Variants in MPPED2 observed in about 807,000 individuals in gnomAD.
The protein encoded by MPPED2 is metallophosphoesterase MPPED2.
In MPPED2, 5 loss-of-function variants were observed where a neutral mutation model predicts 33.0. The ratio of observed to expected loss-of-function variants is 0.15; its 90% CI spans 0.08 to 0.32. The LOEUF is 0.32. MPPED2 is among the 10% of genes least tolerant of loss of function. The pLI is 1.00. For synonymous variants in MPPED2, 136 were observed against 141.9 expected (o/e 0.96, Z 0.29); for missense variants, 275 against 372.1 (o/e 0.74, Z 2.15).
intron 4 of MPPED2, among the ~76,000 whole-genome samples, chr11:30,448,266 T>C (rs1384679863): frequency 6.6e-6 from 1 of 152,196 alleles, no homozygotes; most frequent in African/African-American, 2.4e-5. Context: ...AACATCCCTG[T>C]TGTGGGGAGG....
At chr11:30,497,385 A>C (rs1952318411) in intron 3 of MPPED2, among the ~76,000 whole-genome samples, 1 of 152,090 alleles carries the variant, frequency 6.6e-6, no homozygotes, top group East Asian at 1.9e-4. Flanking sequence ...GCCCCAATTC[A>C]CCTGTGCTCC....
chr11:30,412,353 A>C (rs1219852926), intron 6 of MPPED2, among the ~76,000 whole-genome samples: 3 of 151,758 alleles, frequency 2.0e-5, no homozygotes, highest in Non-Finnish European at 4.4e-5. Context: ...GATAATTTTC[A>C]ATATGATAAA....
chr11:30,501,391 G>T (rs1001901323), intron 3 of MPPED2, among the ~76,000 whole-genome samples: 4 of 152,164 alleles, frequency 2.6e-5, no homozygotes, highest in African/African-American at 9.7e-5. Flanking sequence ...ATAAGCATTT[G>T]GATCTAAAAG....
At chr11:30,531,209 C>A (rs1954504959) in intron 3 of MPPED2, among the ~76,000 whole-genome samples, 3 of 152,188 alleles carry the variant, frequency 2.0e-5, no homozygotes, top group African/African-American at 7.2e-5. Flanking sequence ...TTCATCTGTA[C>A]CTCTCTCCAT....
chr11:30,565,058 A>G (rs539088023), intron 2 of MPPED2, among the ~76,000 whole-genome samples: 2 of 152,208 alleles, frequency 1.3e-5, no homozygotes, highest in Admixed American at 6.5e-5. Context: ...AGCACCAAAA[A>G]GAAAAAAATG....
chr11:30,527,137 A>G (rs1954239555), intron 3 of MPPED2, among the ~76,000 whole-genome samples: 1 of 151,664 alleles, frequency 6.6e-6, no homozygotes, highest in Admixed American at 6.6e-5. Context: ...TCACCGTGTT[A>G]GCCAAGATGG....
At chr11:30,504,745 T>C (rs1952741076) in intron 3 of MPPED2, 1 of 1,282,854 alleles carries the variant, frequency 7.8e-7, no homozygotes, top group African/African-American at 1.5e-5. Context: ...CACTTGCTGA[T>C]GGAGCCACAC....
At position 30,582,955 on chromosome 11, in the gene MPPED2, T is replaced by A. The variant is rs565272652; in HGVS notation, c.-121-2461A>T. On this transcript the variant is annotated intron_variant, in intron 1 of 6. Coordinates refer to ENST00000358117, the MANE Select transcript of MPPED2 (RefSeq NM_001584.3). ...CACCTGCAGCGTCTATCTTCTTTAATCTGGAGTCCTTTGAAGAAAATGTCA... is the reference window on the plus strand; with the variant it reads ...CACCTGCAGCGTCTATCTTCTTTAAACTGGAGTCCTTTGAAGAAAATGTCA... Among the ~76,000 whole-genome samples the A allele has an allele frequency of 1.1e-4, 16 of 152,270 alleles. No individual in the cohort carries two copies. In the East Asian group the frequency reaches 3.1e-3, roughly 29 times the overall value.
chr11:30,535,099 A>C (rs1954740381), intron 3 of MPPED2, among the ~76,000 whole-genome samples: 1 of 152,224 alleles, frequency 6.6e-6, no homozygotes, highest in South Asian at 2.1e-4. Context: ...CTAAAATATC[A>C]TCTTTCCACT....
chr11:30,398,704 C>A (rs1389445735), intron 6 of MPPED2, among the ~76,000 whole-genome samples: 2 of 152,022 alleles, frequency 1.3e-5, no homozygotes, highest in African/African-American at 4.8e-5. Flanking sequence ...CAAACATCAC[C>A]CAGCCAAGAG....
chr11:30,416,909 AG>A (rs1220943027), intron 5 of MPPED2, among the ~76,000 whole-genome samples: 1 of 152,218 alleles, frequency 6.6e-6, no homozygotes, highest in Non-Finnish European at 1.5e-5. Flanking sequence ...GTGGCTCACT[AG>A]TGGGTAGGCT....
At chr11:30,544,919 T>G (rs1298332901) in intron 2 of MPPED2, among the ~76,000 whole-genome samples, 4 of 152,066 alleles carry the variant, frequency 2.6e-5, no homozygotes, top group African/African-American at 4.8e-5. Flanking sequence ...CACTTGGAAT[T>G]AAAATAAGCA....
At chr11:30,395,328 GA>G (rs1234408823) in intron 6 of MPPED2, among the ~76,000 whole-genome samples, 1 of 152,082 alleles carries the variant, frequency 6.6e-6, no homozygotes, top group Non-Finnish European at 1.5e-5. Context: ...TTGAAGATAA[GA>G]TAACTGAACC....
chr11:30,514,776 C>T (rs1182749698), intron 3 of MPPED2, among the ~76,000 whole-genome samples: 1 of 152,134 alleles, frequency 6.6e-6, no homozygotes, highest in Non-Finnish European at 1.5e-5. Flanking sequence ...GGAACCAACA[C>T]ATCCAATATT....
chr11:30,390,034 C>T (rs1158360993), intron 6 of MPPED2, among the ~76,000 whole-genome samples: 1 of 152,202 alleles, frequency 6.6e-6, no homozygotes, highest in Non-Finnish European at 1.5e-5. Flanking sequence ...TAACAGTCCA[C>T]ATTAAATATA....
chr11:30,563,519 C>T (rs180774963), intron 2 of MPPED2, among the ~76,000 whole-genome samples: 1 of 152,072 alleles, frequency 6.6e-6, no homozygotes, highest in African/African-American at 2.4e-5. Context: ...CCCAACAAAC[C>T]ATTCTTAAGG....
At chr11:30,401,243 T>C (rs1186458958) in intron 6 of MPPED2, among the ~76,000 whole-genome samples, 1 of 152,210 alleles carries the variant, frequency 6.6e-6, no homozygotes, top group Non-Finnish European at 1.5e-5. Context: ...TTCATTCCCA[T>C]CACTTGGAAA....
At chr11:30,423,469 T>G (rs567970763) in intron 4 of MPPED2, among the ~76,000 whole-genome samples, 1 of 152,204 alleles carries the variant, frequency 6.6e-6, no homozygotes, top group Non-Finnish European at 1.5e-5. Flanking sequence ...AAGGGGAAAG[T>G]GCAAAGATCA....
chr11:30,410,742 T>A lies in MPPED2; in HGVS notation c.*726A>T. On this transcript the variant is annotated 3_prime_UTR_variant, in exon 7 of 7. Transcript: ENST00000358117. The stretch of plus-strand genomic sequence containing the variant: ...TATAAACCCATATTGAAAAGGAGTC[T>A]GCATGTTCATTTTTTTAACCGTATG... The A allele has an allele frequency of 1.0e-6, 1 of 984,406 alleles. No individual in the cohort carries two copies. Among genetic ancestry groups the A allele is most frequent in the Admixed American group, 6.1e-5 (1 of 16,288 alleles). The allele number at this position is 984,406 out of a possible 1,614,324, so 61.0% of individuals were successfully genotyped here. A position where few individuals can be genotyped will look rare whatever the true frequency, so the allele number is the denominator to read the frequency against.
Sources: gnomAD v4.1 joint callset for allele counts (sites outside exome capture counted in the v4.1 genomes callset) on GRCh38, gnomAD v4.1.1 for gene constraint, MANE v1.5 for transcripts, NCBI Gene and HGNC (gene_info 2026-07-23, HGNC 2026-07-21) for gene names.